The following EPHA5 variants were observed in gnomAD, a reference collection of about 807,000 sequenced individuals.
The protein encoded by EPHA5 is ephrin type-A receptor 5.
Under a neutral mutation model 105.0 loss-of-function variants are expected in EPHA5, and 60 were observed. The ratio of observed to expected loss-of-function variants is 0.57; its 90% CI spans 0.46 to 0.71. The LOEUF (loss-of-function observed/expected upper bound fraction) is 0.71, where lower values mean the gene tolerates loss of function less well. Among genes scored for constraint, EPHA5 ranks in the 30% least tolerant of loss-of-function variants. The pLI is 0.00. For synonymous variants in EPHA5, 513 were observed against 449.1 expected, an observed-to-expected ratio of 1.14 and a Z score of -1.80; for missense variants, 1,218 against 1,274.7, an observed-to-expected ratio of 0.96 and a Z score of 0.68.
intron 1 of EPHA5, among the ~76,000 whole-genome samples, chr4:65,654,843 T>G (rs1748918122): frequency 1.4e-5 from 2 of 147,126 alleles, no homozygotes; most frequent in South Asian, 4.2e-4. Flanking sequence ...CATTTACCAT[T>G]ATGGATATAT....
chr4:65,341,055 T>A (rs1163813766), intron 14 of EPHA5, among the ~76,000 whole-genome samples: 1 of 152,120 alleles, frequency 6.6e-6, no homozygotes, highest in African/African-American at 2.4e-5. Context: ...CCGGCTTCCC[T>A]TCATCCCTCC....
chr4:65,505,237 CT>C (rs1288095437), intron 3 of EPHA5, among the ~76,000 whole-genome samples: 1 of 152,022 alleles, frequency 6.6e-6, no homozygotes, highest in African/African-American at 2.4e-5. Context: ...TATGCCTTCT[CT>C]ACTCTTAAAC....
chr4:65,439,130 A>G (rs2149081407), intron 5 of EPHA5, among the ~76,000 whole-genome samples: 1 of 152,258 alleles, frequency 6.6e-6, no homozygotes, highest in South Asian at 2.1e-4. Flanking sequence ...AGTTGATAAA[A>G]TGCAGCAAGT....
At chr4:65,507,475 G>A (rs1387446360) in intron 3 of EPHA5, among the ~76,000 whole-genome samples, 1 of 152,046 alleles carries the variant, frequency 6.6e-6, no homozygotes, top group South Asian at 2.1e-4. Flanking sequence ...CCATTTTCAC[G>A]ATATTGATGC....
intron 5 of EPHA5, among the ~76,000 whole-genome samples, chr4:65,481,025 T>C (rs1366837431): frequency 1.3e-5 from 2 of 152,156 alleles, no homozygotes; most frequent in African/African-American, 4.8e-5. Flanking sequence ...TTCTGGCATA[T>C]AGGGGCATGC....
At chr4:65,387,824 T>C (rs986596860) in intron 8 of EPHA5, among the ~76,000 whole-genome samples, 1 of 152,116 alleles carries the variant, frequency 6.6e-6, no homozygotes, top group East Asian at 1.9e-4. Flanking sequence ...CTCATTCTTT[T>C]TTTTTATTAT....
At position 65,375,774 on chromosome 4, in the gene EPHA5, A is replaced by AAC. The variant is rs974882786; in HGVS notation, c.1794-8352_1794-8351dup. ...CATTTTTAGTTTTTCATAGCACAGA[A>AAC]ACACACACACATACACACACACACA... is the stretch of plus-strand genomic sequence containing the variant. On this transcript the variant is annotated intron_variant, in intron 8 of 16. Coordinates refer to ENST00000613740, the MANE Select transcript of EPHA5 (RefSeq NM_001281766.3). Among the ~76,000 whole-genome samples, 146 of 123,786 alleles carry AAC rather than the reference A, an allele frequency of 1.2e-3. 1 individual carries two copies. The highest frequency in any genetic ancestry group is 8.2e-3 in the South Asian group (27 of 3,276). 81.2% of individuals were successfully genotyped at this position (123,786 alleles called of 152,430 possible).
At chr4:65,402,331 T>G (rs1721922716) in intron 8 of EPHA5, among the ~76,000 whole-genome samples, 1 of 152,172 alleles carries the variant, frequency 6.6e-6, no homozygotes, top group Non-Finnish European at 1.5e-5. Flanking sequence ...TGGGTGACTT[T>G]GTAGGAATGT....
intron 8 of EPHA5, 138 bp from the exon 9 acceptor site, chr4:65,367,562 A>G: frequency 1.4e-6 from 1 of 724,524 alleles, no homozygotes; most frequent in African/African-American, 1.8e-5. Flanking sequence ...TGATGCCAAT[A>G]CTAGTAGTTT....
At chr4:65,350,179 C>T (rs963571753) in intron 13 of EPHA5, among the ~76,000 whole-genome samples, 1 of 152,028 alleles carries the variant, frequency 6.6e-6, no homozygotes, top group Non-Finnish European at 1.5e-5. Flanking sequence ...TAACTCTATT[C>T]CCAAAAGAAT....
chr4:65,407,132 G>T (rs571183369), intron 7 of EPHA5, among the ~76,000 whole-genome samples: 46 of 152,124 alleles, frequency 3.0e-4, no homozygotes, highest in Non-Finnish European at 5.7e-4. Context: ...TTTTTATGAT[G>T]TTTCCCTGAT....
chr4:65,556,875 T>C (rs1738493861), intron 3 of EPHA5, among the ~76,000 whole-genome samples: 1 of 152,048 alleles, frequency 6.6e-6, no homozygotes, highest in Non-Finnish European at 1.5e-5. Flanking sequence ...TAGTAAAAAT[T>C]CAGCTTTTTG....
At chr4:65,358,213 T>C (rs1426545658) in intron 11 of EPHA5, among the ~76,000 whole-genome samples, 1 of 151,548 alleles carries the variant, frequency 6.6e-6, no homozygotes, top group Non-Finnish European at 1.5e-5. Flanking sequence ...TTATTATTTT[T>C]ATTTGCATTC....
chr4:65,483,030 G>T (rs1274940113), intron 5 of EPHA5, among the ~76,000 whole-genome samples: 2 of 151,860 alleles, frequency 1.3e-5, no homozygotes, highest in African/African-American at 4.8e-5. Flanking sequence ...CCCACAACAG[G>T]CCCCAGGGTG....
chr4:65,366,510 A>T (rs1717924617), intron 9 of EPHA5, among the ~76,000 whole-genome samples: 1 of 151,906 alleles, frequency 6.6e-6, no homozygotes, highest in Admixed American at 6.6e-5. Context: ...GCTGACATAT[A>T]AGTCAAAAGA....
At chr4:65,654,712 A>C (rs1560826777) in intron 1 of EPHA5, among the ~76,000 whole-genome samples, 1 of 147,250 alleles carries the variant, frequency 6.8e-6, no homozygotes, top group African/African-American at 2.5e-5. Flanking sequence ...TAAATGTATA[A>C]ATATATTTTT....
chr4:65,613,013 A>C (rs1744914889), intron 2 of EPHA5, among the ~76,000 whole-genome samples: 1 of 152,108 alleles, frequency 6.6e-6, no homozygotes, highest in Admixed American at 6.6e-5. Context: ...TTCAGGTCAT[A>C]CATTTAAATC....
At chr4:65,576,475 A>G (rs147651476) in intron 3 of EPHA5, among the ~76,000 whole-genome samples, 1 of 152,320 alleles carries the variant, frequency 6.6e-6, no homozygotes, top group African/African-American at 2.4e-5. Flanking sequence ...GTTCTGCAAA[A>G]TGTAGCACAA....
At chr4:65,499,575 T>A (rs1355501212) in intron 3 of EPHA5, among the ~76,000 whole-genome samples, 1 of 151,578 alleles carries the variant, frequency 6.6e-6, no homozygotes, top group Non-Finnish European at 1.5e-5. Flanking sequence ...TTTCTTGCCG[T>A]ACTCACTTCT....
Sources: gnomAD v4.1 joint callset for allele counts (sites outside exome capture counted in the v4.1 genomes callset) on GRCh38, gnomAD v4.1.1 for gene constraint, MANE v1.5 for transcripts, NCBI Gene and HGNC (gene_info 2026-07-23, HGNC 2026-07-21) for gene names.